COL5A3: variants seen among roughly 807,000 people sequenced by gnomAD.
The protein encoded by COL5A3 is collagen type V alpha 3 chain.
A neutral mutation model predicts 250.0 loss-of-function variants in COL5A3; 172 were observed. The observed-to-expected ratio is 0.69, with a 90% CI of 0.61 to 0.78. The LOEUF is 0.78. COL5A3 is among the 30% of genes least tolerant of loss of function. COL5A3 has a pLI of 0.00. For missense variants in COL5A3, 2,340 were observed against 2,334.4 expected, an observed-to-expected ratio of 1.00 and a Z score of -0.05; for synonymous variants, 937 against 900.4, an observed-to-expected ratio of 1.04 and a Z score of -0.73.
At chr19:9,978,744 G>T in intron 40 of COL5A3, 117 bp from the exon 41 acceptor site, 1 of 924,380 alleles carries the variant, frequency 1.1e-6, no homozygotes, top group Non-Finnish European at 1.6e-6. Context: ...ACTGAGCTTT[G>T]AGGGGTCTGC....
At position 10,009,313 on chromosome 19, in the gene COL5A3, T is replaced by G. The variant is rs2087490593; in HGVS notation, c.88+985A>C. Among the ~76,000 whole-genome samples, 1 of 151,930 alleles carries G rather than the reference T, an allele frequency of 6.6e-6. No homozygotes were observed. Among genetic ancestry groups the G allele is most frequent in the Admixed American group, 6.6e-5 (1 of 15,250 alleles). ...ACACTTGAGAAGCTACGCCATCCCC[T>G]GACTCCCGAAGCGCCCCCCACTCTG... On this transcript the variant is annotated intron_variant, in intron 1 of 66. Transcript: ENST00000264828. This position sits in a 1 kb window ranked among gnomAD's most constrained non-coding sequence, Gnocchi z 4.4.
In COL5A3 at chr19:9,991,985, A is replaced by AAGGGCAC. The variant is rs1246344450; in HGVS notation, c.1893+12_1893+18dup. On this transcript the variant is annotated intron_variant, in intron 22 of 66. Transcript: ENST00000264828. ...AGAGTGTCAGAAGGGTCAGAGGTCA[A>AAGGGCAC]AGGGCACAGGGCACATACCACATTG... is the stretch of plus-strand genomic sequence containing the variant. 6.2e-7 allele frequency: 1 copy of AAGGGCAC among 1,609,804 alleles called. No homozygotes were observed. Among genetic ancestry groups the AAGGGCAC allele is most frequent in the Non-Finnish European group, 8.5e-7 (1 of 1,176,304 alleles).
At chr19:9,971,762 C>T (rs2086850948) in intron 51 of COL5A3, among the ~76,000 whole-genome samples, 1 of 152,192 alleles carries the variant, frequency 6.6e-6, no homozygotes. Context: ...CAAATCTGAC[C>T]CAATTCAACC....
chr19:9,999,717 C>T (rs546548424), intron 8 of COL5A3, among the ~76,000 whole-genome samples: 2 of 152,192 alleles, frequency 1.3e-5, no homozygotes, highest in South Asian at 2.1e-4. Context: ...CAGCCCTCCT[C>T]GGCCTCCCAA....
At chr19:10,007,952 T>G (rs1300945840) in intron 1 of COL5A3, among the ~76,000 whole-genome samples, 2 of 151,616 alleles carry the variant, frequency 1.3e-5, no homozygotes, top group Non-Finnish European at 2.9e-5. Flanking sequence ...TCATTCTCTC[T>G]CTCTCTTCTC....
Position 9,973,784 on chromosome 19 carries a change from A to G in COL5A3, c.3584T>C (p.Val1195Ala), listed in dbSNP as rs62638750. Residue 1195 changes from valine to alanine, a missense_variant, in exon 49 of 67, where the codon GTT (valine) becomes GCT (alanine). Physicochemically the swap from Val to Ala is moderately conservative, Grantham distance 64. Coordinates refer to ENST00000264828, the MANE Select transcript of COL5A3 (RefSeq NM_015719.4). ...SEGTPGLPGG[V>A]GQPGAVGEKG... The stretch of plus-strand genomic sequence containing the variant: ...CTCACCCACGGCGCCTGGCTGACCA[A>G]CTCCTCCAGGCAGCCCTGGAGTGCC... 0.01 allele frequency: 16,720 copies of G among 1,613,588 alleles called. 142 individuals carry two copies. The highest frequency in any genetic ancestry group is 0.019 in the Middle Eastern group (116 of 6,058).
At chr19:10,007,744 C>T (rs1014952992) in intron 1 of COL5A3, among the ~76,000 whole-genome samples, 7 of 152,128 alleles carry the variant, frequency 4.6e-5, no homozygotes, top group African/African-American at 1.2e-4. Context: ...ATGAAGGACC[C>T]CCATTCCCAC....
At chr19:9,966,866 G>A in intron 62 of COL5A3, 120 bp from the exon 63 acceptor site, 1 of 744,982 alleles carries the variant, frequency 1.3e-6, no homozygotes, top group Non-Finnish European at 2.2e-6. Context: ...AGGAGGGAGA[G>A]AGATAAACAA....
rs2087435632 is a variant in COL5A3 at position 10,005,896 on chromosome 19, T to A, written c.337A>T (p.Arg113Trp). The A allele has an allele frequency of 1.2e-6, 2 of 1,614,030 alleles. No homozygotes were observed. Among genetic ancestry groups the A allele is most frequent in the East Asian group, 4.5e-5 (2 of 44,884 alleles). ...QSVLLSIYDE[R>W]GARQLGLALG... is the part of the protein sequence containing the mutation. ...GCCAGGCCCAACTGCCGGGCACCCC[T>A]TTCATCATAAATGGACAGCAGGACA... The change falls in exon 3 of 67, where the codon AGG (arginine) becomes TGG (tryptophan). Residue 113 changes from arginine (R) to tryptophan (W), a missense_variant. Arg to Trp is a moderately radical substitution (Grantham distance 101). This residue lies in a region of COL5A3 where 1,152 missense variants were observed against 1,146.3 expected (regional missense o/e 1.00). Coordinates refer to ENST00000264828, the MANE Select transcript of COL5A3 (RefSeq NM_015719.4).
chr19:10,001,686 A>T lies in COL5A3; in HGVS notation c.964-16T>A. 1 of 1,613,702 alleles carries T rather than the reference A, an allele frequency of 6.2e-7. No homozygotes were observed. The highest frequency in any genetic ancestry group is 8.5e-7 in the Non-Finnish European group (1 of 1,179,808). ...CCAAGCTCCTCTGAGAACGTTAGGA[A>T]AGACCAAAGTTTTCCCTGACCTCCT... On this transcript the variant is annotated splice_polypyrimidine_tract_variant and intron_variant, in intron 7 of 66. Transcript: ENST00000264828.
chr19:9,977,201 C>T, intron 44 of COL5A3, 28 bp downstream of exon 44: 2 of 1,606,566 alleles, frequency 1.2e-6, no homozygotes, highest in Non-Finnish European at 8.5e-7. Context: ...ACCCACCCCA[C>T]CCTGCCCCAC....
intron 4 of COL5A3, among the ~76,000 whole-genome samples, chr19:10,004,357 AG>A (rs1434793537): frequency 6.6e-6 from 1 of 152,146 alleles, no homozygotes; most frequent in African/African-American, 2.4e-5. Context: ...AGATCCTATC[AG>A]GGGCACACCC....
At chr19:9,977,545 G>A (rs1443493670) in intron 42 of COL5A3, 49 bp downstream of exon 42, 1 of 1,521,480 alleles carries the variant, frequency 6.6e-7, no homozygotes, top group Admixed American at 2.1e-5. Flanking sequence ...GGATGTGGCA[G>A]GGCCAGACCC....
intron 27 of COL5A3, among the ~76,000 whole-genome samples, chr19:9,988,855 A>AAAAAGAGAGAGAGAAAAAG (rs1269531312): frequency 9.5e-6 from 1 of 104,766 alleles, no homozygotes; most frequent in South Asian, 3.0e-4. Flanking sequence ...AAAAAAAAAA[A>AAAAAGAGAGAGAGAAAAAG]AAAGAAAGTA....
intron 24 of COL5A3, among the ~76,000 whole-genome samples, chr19:9,990,320 G>A (rs1465552519): frequency 6.7e-6 from 1 of 150,280 alleles, no homozygotes; most frequent in East Asian, 2.0e-4. Flanking sequence ...CTTGAACCCG[G>A]GAGGTGGAGG....
At chr19:10,001,451 TA>T in intron 8 of COL5A3, 72 bp downstream of exon 8, 1 of 1,498,088 alleles carries the variant, frequency 6.7e-7, no homozygotes, top group Non-Finnish European at 9.0e-7. Flanking sequence ...CCTGCCTAAA[TA>T]AATAAATTTT....
Position 9,968,428 on chromosome 19 carries a change from C to G in COL5A3, c.4271G>C (p.Gly1424Ala). The G allele has an allele frequency of 1.3e-6, 2 of 1,591,382 alleles. No individual in the cohort carries two copies. Among genetic ancestry groups the G allele is most frequent in the Non-Finnish European group, 1.7e-6 (2 of 1,174,416 alleles). ...AGGGGGTCCCTGCACGCCTGGCAACCCCTGATCTCCTTTCTCACCAGCTTC... is the reference window on the plus strand; with the variant it reads ...AGGGGGTCCCTGCACGCCTGGCAACGCCTGATCTCCTTTCTCACCAGCTTC... ...PGEAGEKGDQ[G>A]LPGVQGPPGP... The change falls in exon 59 of 67, where the codon GGG (glycine) becomes GCG (alanine). Residue 1424 changes from glycine to alanine, a missense_variant. By Grantham distance (60) the Gly-to-Ala change is moderately conservative (BLOSUM62 0). Coordinates refer to ENST00000264828, the MANE Select transcript of COL5A3 (RefSeq NM_015719.4). This position sits in a 1 kb window ranked among gnomAD's most constrained non-coding sequence, Gnocchi z 4.1.
At chr19:10,007,419 C>T (rs895652127) in intron 1 of COL5A3, among the ~76,000 whole-genome samples, 1 of 152,358 alleles carries the variant, frequency 6.6e-6, no homozygotes, top group South Asian at 2.1e-4. Context: ...AAGGAAAGGA[C>T]TTGTCTGGCC....
At chr19:9,963,561 T>TTG (rs1555733032) in intron 64 of COL5A3, among the ~76,000 whole-genome samples, 9,677 of 39,950 alleles carry the variant, frequency 0.24, 838 homozygotes, top group Middle Eastern at 0.34. Context: ...CTGTTTTTTT[T>TTG]GGGGGGGGGG....
Sources: allele counts gnomAD v4.1 joint callset (sites outside exome capture counted in the v4.1 genomes callset), GRCh38; gene constraint gnomAD v4.1.1; regional missense constraint gnomAD v4.1.1; non-coding constraint Gnocchi (gnomAD v3.1); transcripts MANE v1.5; gene names NCBI Gene and HGNC (gene_info 2026-07-23, HGNC 2026-07-21).